SLC4A8: variants seen among roughly 807,000 people sequenced by gnomAD.
SLC4A8 encodes the protein solute carrier family 4 member 8.
A neutral mutation model predicts 125.0 loss-of-function variants in SLC4A8; 40 were observed. That is an observed-to-expected ratio of 0.32 (90% confidence interval 0.25 to 0.42). The LOEUF (loss-of-function observed/expected upper bound fraction) is 0.42, where lower values mean the gene tolerates loss of function less well. Among genes scored for constraint, SLC4A8 ranks in the 10% least tolerant of loss-of-function variants. The probability of loss-of-function intolerance (pLI) is 1.00; values close to 1 mark genes in which losing one functional copy is unlikely to be tolerated. For missense variants in SLC4A8, 863 were observed against 1,355.1 expected (o/e 0.64, Z 5.70); for synonymous variants, 456 against 476.0 (o/e 0.96, Z 0.55).
intron 1 of SLC4A8, among the ~76,000 whole-genome samples, chr12:51,408,396 AT>A (rs148494427): frequency 6.6e-6 from 1 of 151,572 alleles, no homozygotes; most frequent in South Asian, 2.1e-4. Context: ...TACCCAGCTA[AT>A]TTTTTGTATT....
At position 51,513,017 on chromosome 12, in the gene SLC4A8, A is replaced by G. The variant is rs774902675; in HGVS notation, c.*5579A>G. ...GAAACAGTTTGAGTGTTGGCAGACC[A>G]ATGCCCTGATAAGCTTGTGGTATAG... is the stretch of plus-strand genomic sequence containing the variant. On this transcript the variant is annotated 3_prime_UTR_variant, in exon 25 of 25. Transcript: ENST00000453097. 9 of 152,232 alleles carry G rather than the reference A, an allele frequency of 5.9e-5. No individual in the cohort carries two copies. Among genetic ancestry groups the G allele is most frequent in the Non-Finnish European group, 1.3e-4 (9 of 68,052 alleles). The allele number at this position is 152,232 out of a possible 1,614,324, so 9.4% of individuals were successfully genotyped here.
At chr12:51,442,169 C>CAAGAGG (rs1949620409) in intron 2 of SLC4A8, among the ~76,000 whole-genome samples, 1 of 152,114 alleles carries the variant, frequency 6.6e-6, no homozygotes, top group Non-Finnish European at 1.5e-5. Flanking sequence ...GGGAGAGAAT[C>CAAGAGG]CTGCTCTTTT....
At chr12:51,501,368 C>A (rs1402326119) in intron 22 of SLC4A8, among the ~76,000 whole-genome samples, 1 of 152,064 alleles carries the variant, frequency 6.6e-6, no homozygotes, top group Non-Finnish European at 1.5e-5. Flanking sequence ...CCATGTGTAC[C>A]CAATGTTTAG....
At chr12:51,399,853 G>C (rs190306242) in intron 1 of SLC4A8, among the ~76,000 whole-genome samples, 1 of 152,078 alleles carries the variant, frequency 6.6e-6, no homozygotes, top group Non-Finnish European at 1.5e-5. Context: ...ATGGTGATGC[G>C]TTCCTATAAT....
intron 13 of SLC4A8, 23 bp from the exon 14 acceptor site, chr12:51,471,264 G>A (rs1232241726): frequency 1.2e-6 from 2 of 1,603,072 alleles, no homozygotes; most frequent in East Asian, 2.2e-5. Flanking sequence ...CATGCGTTCT[G>A]ATGAACTTTG....
intron 14 of SLC4A8, among the ~76,000 whole-genome samples, chr12:51,473,861 C>T (rs1950781756): frequency 6.6e-6 from 1 of 152,088 alleles, no homozygotes; most frequent in Admixed American, 6.5e-5. Flanking sequence ...CATCACGATT[C>T]CAGGAGACTC....
chr12:51,396,792 T>C (rs1948271906), intron 1 of SLC4A8, among the ~76,000 whole-genome samples: 1 of 152,106 alleles, frequency 6.6e-6, no homozygotes, highest in African/African-American at 2.4e-5. Context: ...GGTTATTTTT[T>C]CCTAGAGCAT....
At chr12:51,495,208 T>C (rs1951429162) in intron 21 of SLC4A8, 90 bp downstream of exon 21, 1 of 1,156,836 alleles carries the variant, frequency 8.6e-7, no homozygotes, top group Admixed American at 2.4e-5. Context: ...CATTTTTAAG[T>C]GTACAGTTGA....
chr12:51,440,432 C>G (rs916268083), intron 1 of SLC4A8, among the ~76,000 whole-genome samples: 11 of 150,738 alleles, frequency 7.3e-5, no homozygotes, highest in African/African-American at 2.4e-4. Flanking sequence ...TTTTAAAAGA[C>G]CTAGGCTCAG....
intron 14 of SLC4A8, among the ~76,000 whole-genome samples, chr12:51,473,203 A>G (rs1050665158): frequency 1.3e-5 from 2 of 152,234 alleles, no homozygotes; most frequent in Non-Finnish European, 2.9e-5. Flanking sequence ...GTGCTCTGCC[A>G]GTTGCTCTCT....
chr12:51,447,060 A>ATCTC (rs759720783), intron 2 of SLC4A8, among the ~76,000 whole-genome samples: 1 of 151,848 alleles, frequency 6.6e-6, no homozygotes, highest in Non-Finnish European at 1.5e-5. Context: ...CTGTCTGTCT[A>ATCTC]TCTATCTGTC....
At chr12:51,416,185 A>G (rs1592149874) in intron 1 of SLC4A8, among the ~76,000 whole-genome samples, 1 of 124,760 alleles carries the variant, frequency 8.0e-6, no homozygotes, top group Admixed American at 8.1e-5. Flanking sequence ...GGCCTGGGGA[A>G]TTTGCCTGTT....
intron 2 of SLC4A8, chr12:51,441,029 G>C: frequency 8.6e-7 from 1 of 1,164,476 alleles, no homozygotes; most frequent in Non-Finnish European, 1.1e-6. Flanking sequence ...CTTTGAACAC[G>C]GTGAAGTCCA....
At chr12:51,398,992 A>C (rs1592136358) in intron 1 of SLC4A8, among the ~76,000 whole-genome samples, 1 of 152,224 alleles carries the variant, frequency 6.6e-6, no homozygotes, top group South Asian at 2.1e-4. Flanking sequence ...CAGGTGATCC[A>C]CCTTCCTTGG....
chr12:51,438,225 A>T (rs1346114278), intron 1 of SLC4A8, among the ~76,000 whole-genome samples: 1 of 152,122 alleles, frequency 6.6e-6, no homozygotes, highest in East Asian at 1.9e-4. Context: ...ACTAGAACTT[A>T]TTCTTCCTAT....
At chr12:51,427,082 G>A (rs1214903419) in intron 1 of SLC4A8, among the ~76,000 whole-genome samples, 2 of 151,882 alleles carry the variant, frequency 1.3e-5, no homozygotes, top group Non-Finnish European at 2.9e-5. Context: ...GCGACTACAG[G>A]CGCCTTCCAC....
At chr12:51,473,196 C>A (rs568605441) in intron 14 of SLC4A8, among the ~76,000 whole-genome samples, 1 of 152,206 alleles carries the variant, frequency 6.6e-6, no homozygotes, top group Admixed American at 6.5e-5. Context: ...ATCTCCTGTG[C>A]TCTGCCAGTT....
chr12:51,399,253 T>C (rs181962119), intron 1 of SLC4A8, among the ~76,000 whole-genome samples: 26 of 152,354 alleles, frequency 1.7e-4, no homozygotes, highest in African/African-American at 5.8e-4. Flanking sequence ...TCTTATTTAC[T>C]TATTTTCAAT....
chr12:51,419,768 C>T (rs1198514136), intron 1 of SLC4A8, among the ~76,000 whole-genome samples: 1 of 152,222 alleles, frequency 6.6e-6, no homozygotes, highest in African/African-American at 2.4e-5. Flanking sequence ...TCAGGTTTTG[C>T]CATTTCACTT....
Sources: allele counts gnomAD v4.1 joint callset (sites outside exome capture counted in the v4.1 genomes callset), GRCh38; gene constraint gnomAD v4.1.1; transcripts MANE v1.5; gene names NCBI Gene and HGNC (gene_info 2026-07-23, HGNC 2026-07-21).